ZNF706: variants seen among roughly 807,000 people sequenced by gnomAD.
ZNF706 encodes the protein transcriptional regulator ZNF706.
ZNF706 carries 4 observed loss-of-function variants against 9.2 expected under a neutral mutation model. The observed-to-expected ratio is 0.43, with a 90% CI of 0.21 to 0.99. The LOEUF is 0.99. ZNF706 is among the 50% of genes least tolerant of loss of function. The probability of loss-of-function intolerance (pLI) is 0.26; values close to 1 mark genes in which losing one functional copy is unlikely to be tolerated. For missense variants in ZNF706, 27 were observed against 87.8 expected (o/e 0.31, Z 2.77); for synonymous variants, 28 against 27.3 (o/e 1.03, Z -0.08).
Position 101,201,858 on chromosome 8 carries a change from T to C in ZNF706, c.-2-115A>G, listed in dbSNP as rs1280635693. 2 of 1,090,450 alleles carry C rather than the reference T, an allele frequency of 1.8e-6. No homozygotes were observed. Among genetic ancestry groups the C allele is most frequent in the African/African-American group, 3.2e-5 (2 of 62,648 alleles). The allele number at this position is 1,090,450 out of a possible 1,614,324, so 67.5% of individuals were successfully genotyped here. A position where few individuals can be genotyped will look rare whatever the true frequency, so the allele number is the denominator to read the frequency against. On this transcript the variant is annotated intron_variant, in intron 1 of 3. Transcript: ENST00000311212. This position sits in a 1 kb window ranked among gnomAD's most constrained non-coding sequence, Gnocchi z 4.5. Reference sequence around the variant, plus strand: ...AAGTTTTATAGAAATATCTGGCAAATAAAAATTTATAGGTATTAAAATTCC... The same window carrying C: ...AAGTTTTATAGAAATATCTGGCAAACAAAAATTTATAGGTATTAAAATTCC...
At chr8:101,202,266 C>T (rs1467559012) in intron 1 of ZNF706, 2 of 114,532 alleles carry the variant, frequency 1.7e-5, no homozygotes, top group East Asian at 2.5e-4. Context: ...TGGTGAAACC[C>T]TGTCTCTACT....
chr8:101,203,923 T>G (rs1370534231), intron 1 of ZNF706: 1 of 152,244 alleles, frequency 6.6e-6, no homozygotes, highest in East Asian at 1.9e-4. Context: ...TGGATACTTA[T>G]GTATTATTTG....
intron 3 of ZNF706, 88 bp from the exon 4 acceptor site, chr8:101,199,327 A>G (rs934961384): frequency 8.7e-6 from 6 of 687,200 alleles, no homozygotes; most frequent in African/African-American, 1.8e-5. Context: ...AAGAAACACT[A>G]TGAAGATAAT....
At chr8:101,203,426 T>C (rs1373297474) in intron 1 of ZNF706, 1 of 152,176 alleles carries the variant, frequency 6.6e-6, no homozygotes, top group Non-Finnish European at 1.5e-5. Context: ...GGAAGGGTGC[T>C]AGCTTCTTCT....
chr8:101,204,510 C>G (rs146148973), intron 1 of ZNF706: 2 of 580,878 alleles, frequency 3.4e-6, no homozygotes, highest in East Asian at 2.8e-4. Context: ...TTCAAACGAA[C>G]CAACCACCTG....
intron 1 of ZNF706, chr8:101,203,974 G>A (rs976152217): frequency 3.9e-5 from 6 of 152,252 alleles, no homozygotes; most frequent in Admixed American, 2.6e-4. Context: ...GTATACCAAT[G>A]TTTTGCAAGG....
At chr8:101,199,588 T>C (rs537230765) in intron 3 of ZNF706, among the ~76,000 whole-genome samples, 36 of 152,050 alleles carry the variant, frequency 2.4e-4, no homozygotes, top group Non-Finnish European at 4.3e-4. Context: ...AGGGGATAGG[T>C]TGGGGGAGAA....
chr8:101,204,769 C>T, intron 1 of ZNF706: 8 of 985,406 alleles, frequency 8.1e-6, no homozygotes, highest in African/African-American at 3.5e-5. Context: ...GTAAGCTCTG[C>T]CCCAAAGCTC....
Position 101,201,560 on chromosome 8 carries a change from A to C in ZNF706, c.135+47T>G, listed in dbSNP as rs764475655. Reference sequence around the variant, plus strand: ...TTCAAAATTTTAATCTATTCAAGCCAAAACTGCCCACGGGAGAGCTGTATC... The same window carrying C: ...TTCAAAATTTTAATCTATTCAAGCCCAAACTGCCCACGGGAGAGCTGTATC... On this transcript the variant is annotated intron_variant, in intron 2 of 3. Coordinates refer to ENST00000311212, the MANE Select transcript of ZNF706 (RefSeq NM_016096.5). The surrounding 1 kb of genome is among the most constrained non-coding windows in gnomAD (Gnocchi z 4.5). The C allele has an allele frequency of 6.3e-7, 1 of 1,579,806 alleles. No individual in the cohort carries two copies. Among genetic ancestry groups the C allele is most frequent in the South Asian group, 1.2e-5 (1 of 85,598 alleles).
Position 101,205,366 on chromosome 8 carries a change from C to T in ZNF706, c.-3+69G>A, listed in dbSNP as rs1393959193. The T allele has an allele frequency of 6.6e-6, 1 of 151,556 alleles. No homozygotes were observed. 9.4% of individuals were successfully genotyped at this position (151,556 alleles called of 1,614,324 possible). A position where few individuals can be genotyped will look rare whatever the true frequency, so the allele number is the denominator to read the frequency against. ...CGAGTCCCACGGTCCCCACCGCCCC[C>T]CGCTGGCCGGCCCCCGCCCCGTTTC... On this transcript the variant is annotated intron_variant, in intron 1 of 3. Coordinates refer to ENST00000311212, the MANE Select transcript of ZNF706 (RefSeq NM_016096.5). The surrounding 1 kb of genome is among the most constrained non-coding windows in gnomAD (Gnocchi z 6.6).
chr8:101,205,958 GT>G (rs1169489480), upstream of ZNF706: 2 of 152,384 alleles, frequency 1.3e-5, no homozygotes, highest in East Asian at 3.9e-4. This position sits in a 1 kb window ranked among gnomAD's most constrained non-coding sequence, Gnocchi z 6.6. Flanking sequence ...CCCGGTCCTG[GT>G]TGGTGACCGG....
Position 101,201,817 on chromosome 8 carries a change from T to TTA in ZNF706, c.-2-76_-2-75dup. ...GAGTAATCAAAGCATAAGAACGTTC[T>TTA]TAGAATTGAAGCCTTAAGTTTTATA... On this transcript the variant is annotated intron_variant, in intron 1 of 3. Transcript: ENST00000311212. This position sits in a 1 kb window ranked among gnomAD's most constrained non-coding sequence, Gnocchi z 4.5. The TTA allele has an allele frequency of 6.8e-7, 1 of 1,475,842 alleles. No homozygotes were observed. Among genetic ancestry groups the TTA allele is most frequent in the Non-Finnish European group, 9.2e-7 (1 of 1,087,592 alleles). The allele number at this position is 1,475,842 out of a possible 1,614,324, so 91.4% of individuals were successfully genotyped here. A position where few individuals can be genotyped will look rare whatever the true frequency, so the allele number is the denominator to read the frequency against.
rs1466350537 is a variant in ZNF706, at chr8:101,197,687, G to C, written c.*1565C>G. On this transcript the variant is annotated 3_prime_UTR_variant, in exon 4 of 4. Transcript: ENST00000311212. ...AATTAGGTAAAATTCTAACGTTCTG[G>C]TAATCGACATGTTAGGAAACAACAG... 6.6e-6 allele frequency: 1 copy of C among 152,160 alleles called. No homozygotes were observed. Among genetic ancestry groups the C allele is most frequent in the Non-Finnish European group, 1.5e-5 (1 of 68,026 alleles). 9.4% of individuals were successfully genotyped at this position (152,160 alleles called of 1,614,324 possible).
At chr8:101,199,962 C>T (rs1810499661) in intron 3 of ZNF706, 28 bp downstream of exon 3, 4 of 1,521,858 alleles carry the variant, frequency 2.6e-6, no homozygotes, top group South Asian at 2.3e-5. Flanking sequence ...CTGTTATTAA[C>T]AAACCAATAG....
intron 1 of ZNF706, chr8:101,204,181 C>T (rs1385564567): frequency 6.6e-6 from 1 of 152,210 alleles, no homozygotes; most frequent in African/African-American, 2.4e-5. Context: ...CTAGAAGTTA[C>T]TAGCTATTTT....
intron 2 of ZNF706, 46 bp from the exon 3 acceptor site, chr8:101,200,143 T>C (rs1010758399): frequency 2.0e-6 from 3 of 1,463,910 alleles, no homozygotes; most frequent in African/African-American, 1.4e-5. Context: ...ATTTATAAAA[T>C]AAAAATGTGT....
intron 1 of ZNF706, chr8:101,204,992 G>A: frequency 3.1e-6 from 3 of 977,052 alleles, no homozygotes; most frequent in Non-Finnish European, 3.6e-6. Flanking sequence ...GCTTCAGCCT[G>A]GCGCACCTTC....
rs889059659 is a variant in ZNF706, at chr8:101,197,491, A to T, written c.*1761T>A. 2.6e-5 allele frequency: 4 copies of T among 152,116 alleles called. No individual in the cohort carries two copies. The highest frequency in any genetic ancestry group is 1.3e-4 in the Admixed American group (2 of 15,274). 9.4% of individuals were successfully genotyped at this position (152,116 alleles called of 1,614,324 possible). A position where few individuals can be genotyped will look rare whatever the true frequency, so the allele number is the denominator to read the frequency against. On this transcript the variant is annotated 3_prime_UTR_variant, in exon 4 of 4. Transcript: ENST00000311212. Reference sequence around the variant, plus strand: ...TGCTTATAAAAAAGGGTTAAATACAAGAACAAAAAAACTTTCATCCTGAAT... The same window carrying T: ...TGCTTATAAAAAAGGGTTAAATACATGAACAAAAAAACTTTCATCCTGAAT...
intron 2 of ZNF706, 35 bp from the exon 3 acceptor site, chr8:101,200,132 T>C (rs1161384257): frequency 6.6e-7 from 1 of 1,517,874 alleles, no homozygotes; most frequent in Non-Finnish European, 9.1e-7. Flanking sequence ...AGCTAGACTT[T>C]ATTTATAAAA....
Sources: gnomAD v4.1 joint callset for allele counts (sites outside exome capture counted in the v4.1 genomes callset) on GRCh38, gnomAD v4.1.1 for gene constraint, Gnocchi (gnomAD v3.1) non-coding constraint, MANE v1.5 for transcripts, NCBI Gene and HGNC (gene_info 2026-07-23, HGNC 2026-07-21) for gene names.